The following MYCBP2 variants were observed in gnomAD, a reference collection of about 807,000 sequenced individuals.
MYCBP2 encodes E3 ubiquitin-protein ligase MYCBP2.
A neutral mutation model predicts 525.3 loss-of-function variants in MYCBP2; 120 were observed. The observed-to-expected ratio is 0.23, with a 90% CI of 0.20 to 0.27. MYCBP2 has a LOEUF of 0.27. MYCBP2 is among the 10% of genes least tolerant of loss of function. The pLI, the probability that MYCBP2 is intolerant of heterozygous loss-of-function variation, is 1.00. For missense variants in MYCBP2, 4,149 were observed against 5,657.1 expected, an observed-to-expected ratio of 0.73 and a Z score of 8.55; for synonymous variants, 1,894 against 1,955.8, an observed-to-expected ratio of 0.97 and a Z score of 0.83.
intron 15 of MYCBP2, among the ~76,000 whole-genome samples, chr13:77,246,095 A>G (rs1301003773): frequency 6.6e-6 from 1 of 152,174 alleles, no homozygotes; most frequent in Admixed American, 6.5e-5. Flanking sequence ...TGTAGAAGGT[A>G]TAGCTTTAAT....
In MYCBP2 at chr13:77,107,977, T is replaced by C. The variant is rs111747243; in HGVS notation, c.8141-8964A>G. ...AGATTTATTTACATAAATGTTGGTA[T>C]ACTAAAAGAATTAGACTAAAGATTT... On this transcript the variant is annotated intron_variant, in intron 55 of 82. Transcript: ENST00000544440. Among the ~76,000 whole-genome samples, 311 of 152,284 alleles carry C rather than the reference T, an allele frequency of 2.0e-3. 2 individuals are homozygous for C. Among genetic ancestry groups the C allele is most frequent in the African/African-American group, 5.5e-3 (227 of 41,566 alleles).
chr13:77,222,471 A>G (rs1431551055), intron 20 of MYCBP2, among the ~76,000 whole-genome samples: 1 of 152,208 alleles, frequency 6.6e-6, no homozygotes, highest in African/African-American at 2.4e-5. Flanking sequence ...TCATAAACAT[A>G]ACTCAGGACA....
At chr13:77,121,088 A>G (rs1238229655) in intron 55 of MYCBP2, 1 of 189,126 alleles carries the variant, frequency 5.3e-6, no homozygotes, top group Non-Finnish European at 1.1e-5. Context: ...ATTTAGTGAA[A>G]TAGAATCTTT....
At chr13:77,191,101 A>G (rs943921513) in intron 28 of MYCBP2, among the ~76,000 whole-genome samples, 4 of 152,178 alleles carry the variant, frequency 2.6e-5, no homozygotes, top group Non-Finnish European at 4.4e-5. Context: ...GAAATAGCAA[A>G]TAATTTCACC....
At chr13:77,060,482 G>A (rs906659010) in intron 76 of MYCBP2, among the ~76,000 whole-genome samples, 6 of 152,174 alleles carry the variant, frequency 3.9e-5, no homozygotes, top group South Asian at 2.1e-4. Context: ...CTGGAAGTTC[G>A]TGTCAGTCAA....
chr13:77,323,403 C>T (rs968515822), intron 1 of MYCBP2, among the ~76,000 whole-genome samples: 1 of 152,206 alleles, frequency 6.6e-6, no homozygotes, highest in African/African-American at 2.4e-5. Context: ...TTCTTGAACA[C>T]AAGCCTGTTC....
intron 18 of MYCBP2, among the ~76,000 whole-genome samples, chr13:77,232,614 G>A (rs886777969): frequency 6.6e-6 from 1 of 152,082 alleles, no homozygotes; most frequent in East Asian, 1.9e-4. Context: ...TTCATGATTC[G>A]TGCTTTGCTT....
chr13:77,168,661 A>C lies in MYCBP2; in HGVS notation c.5896-15T>G. Reference sequence around the variant, plus strand: ...TCTACAGCCACCTAGTACACATATAAAAATATGGTTAAATGAGATACACGT... The same window carrying C: ...TCTACAGCCACCTAGTACACATATACAAATATGGTTAAATGAGATACACGT... On this transcript the variant is annotated splice_polypyrimidine_tract_variant and intron_variant, in intron 39 of 82. Transcript: ENST00000544440. The C allele has an allele frequency of 6.2e-7, 1 of 1,611,434 alleles. No individual in the cohort carries two copies. The highest frequency in any genetic ancestry group is 8.5e-7 in the Non-Finnish European group (1 of 1,177,782).
rs372569923 is a variant in MYCBP2, at chr13:77,287,369, G to C, written c.594+792C>G. On this transcript the variant is annotated intron_variant, in intron 3 of 82. Transcript: ENST00000544440. ...CGGGCTAATTTTTGTATTTTTAGTAGAGACAGGGTTTCACCATGTTGGCCA... is the reference window on the plus strand; with the variant it reads ...CGGGCTAATTTTTGTATTTTTAGTACAGACAGGGTTTCACCATGTTGGCCA... Among the ~76,000 whole-genome samples, 40 of 150,130 alleles carry C rather than the reference G, an allele frequency of 2.7e-4. No individual in the cohort carries two copies. In the South Asian group the frequency reaches 8.2e-3, roughly 31 times the overall value.
At chr13:77,144,267 T>G in intron 49 of MYCBP2, 178 bp downstream of exon 49, 1 of 585,760 alleles carries the variant, frequency 1.7e-6, no homozygotes, top group Non-Finnish European at 3.0e-6. Context: ...CAGAAATTAT[T>G]ACAAAATGTT....
chr13:77,310,263 T>C (rs983455930), intron 1 of MYCBP2, among the ~76,000 whole-genome samples: 2 of 152,240 alleles, frequency 1.3e-5, no homozygotes, highest in Admixed American at 6.5e-5. Flanking sequence ...TGCACCCCGC[T>C]ACCTACATTG....
chr13:77,288,410 C>T, intron 2 of MYCBP2, 34 bp from the exon 3 acceptor site: 1 of 1,545,334 alleles, frequency 6.5e-7, no homozygotes. Flanking sequence ...CCATTTCACA[C>T]TCTTTTCTAT....
intron 52 of MYCBP2, among the ~76,000 whole-genome samples, chr13:77,130,032 T>A (rs548088231): frequency 5.9e-5 from 9 of 151,956 alleles, no homozygotes; most frequent in Non-Finnish European, 1.2e-4. Flanking sequence ...AAAATTAACA[T>A]CTTCACAAAA....
intron 55 of MYCBP2, among the ~76,000 whole-genome samples, chr13:77,109,136 T>C (rs564225965): frequency 1.9e-4 from 29 of 152,302 alleles, no homozygotes; most frequent in African/African-American, 7.0e-4. Flanking sequence ...ATGTGGCAGG[T>C]AGAGGACGGT....
At chr13:77,147,113 A>G (rs1018961778) in intron 47 of MYCBP2, among the ~76,000 whole-genome samples, 5 of 152,172 alleles carry the variant, frequency 3.3e-5, no homozygotes, top group Non-Finnish European at 7.4e-5. Flanking sequence ...AAAATGATAC[A>G]TACAATACGA....
In MYCBP2 at chr13:77,203,867, C is replaced by T. The variant is rs930677767; in HGVS notation, c.3843+1389G>A. Among the ~76,000 whole-genome samples the T allele has an allele frequency of 8.6e-5, 13 of 152,010 alleles. No homozygotes were observed. In the East Asian group the frequency reaches 1.9e-3, roughly 23 times the overall value. On this transcript the variant is annotated intron_variant, in intron 26 of 82. Coordinates refer to ENST00000544440, the MANE Select transcript of MYCBP2 (RefSeq NM_015057.5). ...TATGTAGAAAGCTGAAACTGGATCC[C>T]TTCCTTACACCTTACACAAAAATCA...
chr13:77,118,319 A>C (rs1445332732), intron 55 of MYCBP2: 1 of 744,676 alleles, frequency 1.3e-6, no homozygotes, highest in Non-Finnish European at 2.5e-6. Flanking sequence ...TTGATGAGGC[A>C]GGTAAGGCTG....
intron 47 of MYCBP2, among the ~76,000 whole-genome samples, chr13:77,148,163 A>G (rs1275867264): frequency 6.6e-6 from 1 of 152,016 alleles, no homozygotes; most frequent in African/African-American, 2.4e-5. Context: ...ATTTGATACT[A>G]AAATAGCCAA....
At chr13:77,145,746 C>T (rs763589098) in intron 48 of MYCBP2, among the ~76,000 whole-genome samples, 13 of 152,050 alleles carry the variant, frequency 8.5e-5, no homozygotes, top group Non-Finnish European at 1.9e-4. Flanking sequence ...AACAGAATTA[C>T]TTACGGGCTG....
Sources: allele counts gnomAD v4.1 joint callset (sites outside exome capture counted in the v4.1 genomes callset), GRCh38; gene constraint gnomAD v4.1.1; transcripts MANE v1.5; gene names NCBI Gene and HGNC (gene_info 2026-07-23, HGNC 2026-07-21).